SH2D4A: variants seen among roughly 807,000 people sequenced by gnomAD.
SH2D4A encodes SH2 domain containing 4A.
SH2D4A carries 70 observed loss-of-function variants against 64.7 expected under a neutral mutation model. The ratio of observed to expected loss-of-function variants is 1.08; its 90% confidence interval spans 0.89 to 1.32. The LOEUF (loss-of-function observed/expected upper bound fraction) is 1.32, where lower values mean the gene tolerates loss of function less well. SH2D4A is among the 40% of genes most tolerant of loss of function. The pLI is 0.00. For missense variants in SH2D4A, 706 were observed against 540.1 expected (o/e 1.31, Z -3.04); for synonymous variants, 268 against 200.7 (o/e 1.34, Z -2.83).
chr8:19,373,062 C>T (rs899383784), intron 7 of SH2D4A, among the ~76,000 whole-genome samples: 1 of 152,014 alleles, frequency 6.6e-6, no homozygotes, highest in Non-Finnish European at 1.5e-5. Flanking sequence ...CTTATTTTCT[C>T]AGATGTTAAT....
At chr8:19,386,737 G>C (rs1313371983) in intron 8 of SH2D4A, among the ~76,000 whole-genome samples, 1 of 152,134 alleles carries the variant, frequency 6.6e-6, no homozygotes, top group Non-Finnish European at 1.5e-5. Context: ...GTTTAATTTA[G>C]TATTTTAAAA....
chr8:19,351,067 T>G (rs1002052850), intron 4 of SH2D4A, among the ~76,000 whole-genome samples: 6 of 152,184 alleles, frequency 3.9e-5, no homozygotes, highest in Non-Finnish European at 8.8e-5. Context: ...CTCTTATTCT[T>G]TATAACTTTA....
In SH2D4A at chr8:19,359,773, C is replaced by T. The variant is rs532823232; in HGVS notation, c.595-1430C>T. Among the ~76,000 whole-genome samples the T allele has an allele frequency of 1.6e-4, 24 of 152,312 alleles. No individual in the cohort carries two copies. In the East Asian group the frequency reaches 4.6e-3, roughly 29 times the overall value. On this transcript the variant is annotated intron_variant, in intron 5 of 9. Transcript: ENST00000265807. Reference sequence around the variant, plus strand: ...AAGCACAATTTATGAATGATGATTACTTGAACTGTGATTTATGACTGCCCA... The same window carrying T: ...AAGCACAATTTATGAATGATGATTATTTGAACTGTGATTTATGACTGCCCA...
intron 4 of SH2D4A, among the ~76,000 whole-genome samples, chr8:19,342,493 T>G (rs2052544356): frequency 6.6e-6 from 1 of 152,196 alleles, no homozygotes; most frequent in Non-Finnish European, 1.5e-5. Flanking sequence ...TTAGTGCTGG[T>G]CATTGGGATG....
chr8:19,357,007 G>A (rs1159732793), intron 4 of SH2D4A, among the ~76,000 whole-genome samples, 196 bp from the exon 5 acceptor site: 1 of 152,206 alleles, frequency 6.6e-6, no homozygotes, highest in Non-Finnish European at 1.5e-5. Flanking sequence ...CCTACTGAGT[G>A]GGGATACTGA....
chr8:19,389,183 G>A (rs931525141), intron 8 of SH2D4A, among the ~76,000 whole-genome samples: 1 of 152,186 alleles, frequency 6.6e-6, no homozygotes, highest in South Asian at 2.1e-4. Context: ...CCATTGAACT[G>A]CCCTGTGGGG....
chr8:19,327,759 A>T (rs1400807065), intron 2 of SH2D4A, among the ~76,000 whole-genome samples: 1 of 152,204 alleles, frequency 6.6e-6, no homozygotes, highest in African/African-American at 2.4e-5. Context: ...CTCAGTAAAT[A>T]CTTGCTGAAC....
At chr8:19,380,536 A>C (rs2053275709) in intron 8 of SH2D4A, among the ~76,000 whole-genome samples, 1 of 151,952 alleles carries the variant, frequency 6.6e-6, no homozygotes, top group African/African-American at 2.4e-5. Flanking sequence ...ATCCCTTTTG[A>C]GTTAATTTTT....
Position 19,380,378 on chromosome 8 carries a change from A to G in SH2D4A, c.1048+6718A>G, listed in dbSNP as rs988935007. 9.2e-5 allele frequency among the ~76,000 whole-genome samples: 14 copies of G among 152,036 alleles called. No homozygotes were observed. In the East Asian group the frequency reaches 2.1e-3, roughly 23 times the overall value. Reference sequence around the variant, plus strand: ...TGTATAAAATGCTTTAATTTTCATGAAATTCGATTTGCCTCTTTTTTTCTT... The same window carrying G: ...TGTATAAAATGCTTTAATTTTCATGGAATTCGATTTGCCTCTTTTTTTCTT... On this transcript the variant is annotated intron_variant, in intron 8 of 9. Coordinates refer to ENST00000265807, the MANE Select transcript of SH2D4A (RefSeq NM_022071.4).
At chr8:19,346,085 A>T (rs1585164645) in intron 4 of SH2D4A, among the ~76,000 whole-genome samples, 2 of 152,366 alleles carry the variant, frequency 1.3e-5, no homozygotes, top group African/African-American at 4.8e-5. Flanking sequence ...ATCCAAAAGT[A>T]AGACTGCCTG....
chr8:19,341,844 C>CAAAA lies in SH2D4A; in HGVS notation c.513+7001_513+7004dup, dbSNP rs35856719. On this transcript the variant is annotated intron_variant, in intron 4 of 9. Transcript: ENST00000265807. ...GTGACAGAGCAAAACCTTGTCTTAA[C>CAAAA]AAAAAAAAAAAAAAAAAGATCATCA... Among the ~76,000 whole-genome samples, 706 of 83,306 alleles carry CAAAA rather than the reference C, an allele frequency of 8.5e-3. 15 individuals are homozygous for CAAAA. Among genetic ancestry groups the CAAAA allele is most frequent in the South Asian group, 0.025 (59 of 2,336 alleles). The allele number at this position is 83,306 out of a possible 152,430, so 54.7% of individuals were successfully genotyped here. A position where few individuals can be genotyped will look rare whatever the true frequency, so the allele number is the denominator to read the frequency against.
chr8:19,380,471 C>T (rs1585204803), intron 8 of SH2D4A, among the ~76,000 whole-genome samples: 1 of 151,954 alleles, frequency 6.6e-6, no homozygotes, highest in East Asian at 1.9e-4. Context: ...GAAGATTTGG[C>T]CCTCTGTTTT....
At chr8:19,373,846 G>C (rs2053151873) in intron 8 of SH2D4A, among the ~76,000 whole-genome samples, 186 bp downstream of exon 8, 1 of 152,166 alleles carries the variant, frequency 6.6e-6, no homozygotes, top group African/African-American at 2.4e-5. Flanking sequence ...TGTTTAGAAA[G>C]CAGTCAGCAT....
chr8:19,374,630 G>A (rs77672462), intron 8 of SH2D4A, among the ~76,000 whole-genome samples: 5,424 of 152,298 alleles, frequency 0.036, 142 homozygotes, highest in Non-Finnish European at 0.052. Context: ...AGCGCTGCTT[G>A]TGTGGTCAGA....
chr8:19,338,744 C>T (rs569406052), intron 4 of SH2D4A, among the ~76,000 whole-genome samples: 13 of 152,166 alleles, frequency 8.5e-5, no homozygotes, highest in African/African-American at 1.9e-4. Context: ...TCTGACCTAC[C>T]GAAATGTACC....
At chr8:19,339,265 A>G (rs897523805) in intron 4 of SH2D4A, among the ~76,000 whole-genome samples, 11 of 152,284 alleles carry the variant, frequency 7.2e-5, no homozygotes, top group African/African-American at 2.4e-4. Flanking sequence ...GATGGTGCCC[A>G]CCCAGATTGA....
chr8:19,338,010 C>A (rs1001791305), intron 4 of SH2D4A, among the ~76,000 whole-genome samples: 2 of 152,140 alleles, frequency 1.3e-5, no homozygotes, highest in Non-Finnish European at 2.9e-5. Context: ...GGGGCATAGC[C>A]CTGCACAGCC....
chr8:19,382,235 C>T (rs963681207), intron 8 of SH2D4A, among the ~76,000 whole-genome samples: 1 of 152,078 alleles, frequency 6.6e-6, no homozygotes, highest in African/African-American at 2.4e-5. Flanking sequence ...TCTTAATTTG[C>T]ATCTCACTTT....
At chr8:19,362,037 A>G (rs2052899105) in intron 6 of SH2D4A, among the ~76,000 whole-genome samples, 1 of 152,210 alleles carries the variant, frequency 6.6e-6, no homozygotes, top group Non-Finnish European at 1.5e-5. Context: ...GGTTTGTGAA[A>G]GAATTAGTGT....
Sources: allele counts gnomAD v4.1 joint callset (sites outside exome capture counted in the v4.1 genomes callset), GRCh38; gene constraint gnomAD v4.1.1; transcripts MANE v1.5; gene names NCBI Gene and HGNC (gene_info 2026-07-23, HGNC 2026-07-21).